MTMR2: variants seen among roughly 807,000 people sequenced by gnomAD.
MTMR2 encodes the protein phosphatidylinositol-3,5-bisphosphate 3-phosphatase MTMR2.
Under a neutral mutation model 86.9 loss-of-function variants are expected in MTMR2, and 55 were observed. The ratio of observed to expected loss-of-function variants is 0.63; its 90% CI spans 0.51 to 0.79. MTMR2 has a LOEUF of 0.79. Ranked by LOEUF, MTMR2 falls within the 30% of genes least tolerant of loss-of-function variation. MTMR2 has a pLI of 0.00. For synonymous variants in MTMR2, 241 were observed against 266.8 expected (o/e 0.90, Z 0.94); for missense variants, 659 against 772.3 (o/e 0.85, Z 1.74).
intron 2 of MTMR2, among the ~76,000 whole-genome samples, chr11:95,887,325 C>G (rs564839669): frequency 6.6e-6 from 1 of 152,010 alleles, no homozygotes; most frequent in African/African-American, 2.4e-5. Flanking sequence ...AGAAGACATA[C>G]CCTCATCAGA....
chr11:95,851,943 A>G (rs1864037574), intron 7 of MTMR2, among the ~76,000 whole-genome samples: 1 of 152,264 alleles, frequency 6.6e-6, no homozygotes, highest in African/African-American at 2.4e-5. Context: ...TATTTTATAA[A>G]TAGTGTACTA....
At position 95,921,809 on chromosome 11, in the gene MTMR2, T is replaced by C. The variant is rs573755763; in HGVS notation, c.80+2066A>G. Among the ~76,000 whole-genome samples, 35 of 152,330 alleles carry C rather than the reference T, an allele frequency of 2.3e-4. 1 individual carries two copies. The South Asian group carries it at 7.0e-3, about 31-fold the overall frequency. Reference sequence around the variant, plus strand: ...TTTTGTCCAGAGAGGATTAGGCTAATCTACTATATCACAATTCTCTCGAGG... The same window carrying C: ...TTTTGTCCAGAGAGGATTAGGCTAACCTACTATATCACAATTCTCTCGAGG... On this transcript the variant is annotated intron_variant, in intron 1 of 14. Transcript: ENST00000346299.
chr11:95,918,230 CG>C (rs1866781393), intron 1 of MTMR2, among the ~76,000 whole-genome samples: 1 of 152,176 alleles, frequency 6.6e-6, no homozygotes, highest in Non-Finnish European at 1.5e-5. Flanking sequence ...CAGCATCCAT[CG>C]GGATCACCTG....
intron 11 of MTMR2, 32 bp from the exon 12 acceptor site, chr11:95,841,741 A>G: frequency 6.8e-7 from 1 of 1,464,560 alleles, no homozygotes; most frequent in Non-Finnish European, 9.6e-7. Context: ...ATATGAACTT[A>G]GGGGGATTTT....
intron 5 of MTMR2, among the ~76,000 whole-genome samples, chr11:95,860,784 T>G (rs936608835): frequency 1.3e-5 from 2 of 152,158 alleles, no homozygotes; most frequent in African/African-American, 4.8e-5. Context: ...CATTCAAGTA[T>G]CAACGCATTT....
intron 2 of MTMR2, among the ~76,000 whole-genome samples, chr11:95,867,940 A>T (rs1310047198): frequency 6.6e-6 from 1 of 152,164 alleles, no homozygotes; most frequent in African/African-American, 2.4e-5. Context: ...TACTTGGCAC[A>T]CTCAAAAGGA....
chr11:95,837,481 G>A (rs908824467), intron 13 of MTMR2, among the ~76,000 whole-genome samples: 1 of 151,968 alleles, frequency 6.6e-6, no homozygotes, highest in Admixed American at 6.6e-5. Context: ...TGATACATAG[G>A]ATAGACAAGT....
chr11:95,848,875 G>C (rs1863904836), intron 9 of MTMR2, among the ~76,000 whole-genome samples: 1 of 152,176 alleles, frequency 6.6e-6, no homozygotes, highest in Non-Finnish European at 1.5e-5. Flanking sequence ...CTTCTGAAGA[G>C]TGGGAATAAG....
chr11:95,835,544 G>T, intron 14 of MTMR2, 93 bp from the exon 15 acceptor site: 2 of 1,347,010 alleles, frequency 1.5e-6, no homozygotes, highest in Non-Finnish European at 2.1e-6. Context: ...TGTTTTTTCA[G>T]CTGTTGGAAC....
At chr11:95,838,548 T>C (rs1242765997) in intron 12 of MTMR2, among the ~76,000 whole-genome samples, 1 of 152,052 alleles carries the variant, frequency 6.6e-6, no homozygotes, top group Non-Finnish European at 1.5e-5. Context: ...GTTGTTTTTC[T>C]TTTTTAAGGA....
At chr11:95,876,287 T>C (rs980193704) in intron 2 of MTMR2, among the ~76,000 whole-genome samples, 1 of 152,210 alleles carries the variant, frequency 6.6e-6, no homozygotes, top group African/African-American at 2.4e-5. Flanking sequence ...AAAATGGTGG[T>C]TGGGAACCAA....
In MTMR2 at chr11:95,833,270, G is replaced by A. The variant is rs1328037908; in HGVS notation, c.*2020C>T. The A allele has an allele frequency of 6.6e-6, 1 of 152,052 alleles. No homozygotes were observed. The highest frequency in any genetic ancestry group is 1.5e-5 in the Non-Finnish European group (1 of 68,008). The allele number at this position is 152,052 out of a possible 1,614,324, so 9.4% of individuals were successfully genotyped here. A position where few individuals can be genotyped will look rare whatever the true frequency, so the allele number is the denominator to read the frequency against. Reference sequence around the variant, plus strand: ...AGACTAGGTCGAAGGAGGCTAAGGAGCTTCAACTTAATCATACTGGTCTCT... The same window carrying A: ...AGACTAGGTCGAAGGAGGCTAAGGAACTTCAACTTAATCATACTGGTCTCT... On this transcript the variant is annotated 3_prime_UTR_variant, in exon 15 of 15. Transcript: ENST00000346299.
chr11:95,870,192 T>A (rs1864800850), intron 2 of MTMR2, among the ~76,000 whole-genome samples: 1 of 152,090 alleles, frequency 6.6e-6, no homozygotes, highest in Admixed American at 6.6e-5. Flanking sequence ...ATGATGGATG[T>A]CAGATAAAAA....
chr11:95,872,172 C>T (rs962250874), intron 2 of MTMR2, among the ~76,000 whole-genome samples: 3 of 152,140 alleles, frequency 2.0e-5, no homozygotes, highest in African/African-American at 4.8e-5. Context: ...TCATTGGCAG[C>T]TTGATGGGGA....
intron 2 of MTMR2, among the ~76,000 whole-genome samples, chr11:95,883,436 G>T (rs1274451485): frequency 6.6e-6 from 1 of 152,100 alleles, no homozygotes; most frequent in African/African-American, 2.4e-5. Flanking sequence ...CTATGTAAAA[G>T]AATACTACAT....
intron 2 of MTMR2, among the ~76,000 whole-genome samples, chr11:95,876,416 C>A (rs905979043): frequency 6.6e-6 from 1 of 152,138 alleles, no homozygotes; most frequent in Non-Finnish European, 1.5e-5. Flanking sequence ...CTGGAGAAAT[C>A]CTCTAGAATA....
chr11:95,908,318 C>T (rs897383875), intron 1 of MTMR2, among the ~76,000 whole-genome samples: 3 of 151,986 alleles, frequency 2.0e-5, no homozygotes, highest in Non-Finnish European at 4.4e-5. Flanking sequence ...AATTACAAAA[C>T]ACTACTGAAA....
chr11:95,915,289 C>T (rs574700054), intron 1 of MTMR2, among the ~76,000 whole-genome samples: 13 of 152,104 alleles, frequency 8.5e-5, no homozygotes, highest in Non-Finnish European at 1.5e-4. Context: ...GACAAGGCCT[C>T]CTCCCTACCT....
At chr11:95,861,450 G>A (rs1327837344) in intron 5 of MTMR2, among the ~76,000 whole-genome samples, 1 of 145,008 alleles carries the variant, frequency 6.9e-6, no homozygotes, top group East Asian at 2.0e-4. Context: ...TTCAGACAGA[G>A]TCTTACTCTG....
Sources: gnomAD v4.1 joint callset for allele counts (sites outside exome capture counted in the v4.1 genomes callset) on GRCh38, gnomAD v4.1.1 for gene constraint, MANE v1.5 for transcripts, NCBI Gene and HGNC (gene_info 2026-07-23, HGNC 2026-07-21) for gene names.